NAPEPLD: variants seen among roughly 807,000 people sequenced by gnomAD.
The protein encoded by NAPEPLD is N-acyl phosphatidylethanolamine phospholipase D, also known as N-acyl-phosphatidylethanolamine-hydrolyzing phospholipase D.
Under a neutral mutation model 38.1 loss-of-function variants are expected in NAPEPLD, and 23 were observed. That is an observed-to-expected ratio of 0.60 (90% CI 0.43 to 0.86). The LOEUF (loss-of-function observed/expected upper bound fraction) is 0.86, where lower values mean the gene tolerates loss of function less well. Ranked by LOEUF, NAPEPLD falls within the 40% of genes least tolerant of loss-of-function variation. The pLI is 0.00. For synonymous variants in NAPEPLD, 147 were observed against 162.0 expected (o/e 0.91, Z 0.71); for missense variants, 411 against 476.8 (o/e 0.86, Z 1.28).
chr7:103,137,050 C>T lies in NAPEPLD; in HGVS notation c.-16-8258G>A, dbSNP rs1457136218. ...CACCTCCCAGATTCAAGTGATTCTCCTGCCTCAGCCTCCCAAATAGCTGGG... is the reference window on the plus strand; with the variant it reads ...CACCTCCCAGATTCAAGTGATTCTCTTGCCTCAGCCTCCCAAATAGCTGGG... On this transcript the variant is annotated intron_variant, in intron 1 of 4. Transcript: ENST00000465647. 3.3e-5 allele frequency among the ~76,000 whole-genome samples: 5 copies of T among 152,268 alleles called. No homozygotes were observed. The South Asian group carries it at 6.2e-4, about 19-fold the overall frequency.
At position 103,128,550 on chromosome 7, in the gene NAPEPLD, G is replaced by A; in HGVS notation, c.227C>T (p.Ser76Phe). Residue 76 changes from serine (S) to phenylalanine (F), a missense_variant, in exon 2 of 5, where the codon TCT (serine) becomes TTT (phenylalanine). Ser to Phe is a radical substitution (Grantham distance 155, BLOSUM62 -2). Coordinates refer to ENST00000465647, the MANE Select transcript of NAPEPLD (RefSeq NM_001122838.3). ...CAGCCATCTGAGAACATTTGGAATA[G>A]AGGGGTTTTTCCATGTTGGCCACGG... Reference protein sequence around the residue: ...VNPWPTWKNPSIPNVLRWLIM... With the variant: ...VNPWPTWKNPFIPNVLRWLIM... 6.2e-7 allele frequency: 1 copy of A among 1,614,218 alleles called. No individual in the cohort carries two copies.
At chr7:103,123,781 T>TA in intron 2 of NAPEPLD, among the ~76,000 whole-genome samples, 1 of 152,304 alleles carries the variant, frequency 6.6e-6, no homozygotes, top group African/African-American at 2.4e-5. Context: ...TTCCTCTCAT[T>TA]AAATCTCATT....
At chr7:103,115,889 G>A (rs1300405648) in intron 3 of NAPEPLD, among the ~76,000 whole-genome samples, 1 of 152,136 alleles carries the variant, frequency 6.6e-6, no homozygotes, top group East Asian at 1.9e-4. Flanking sequence ...TAGGAATGGG[G>A]TGGTAACTTC....
rs1802353678 is a variant in NAPEPLD, at chr7:103,101,249, T to G, written c.*2180A>C. ...GGAGTGAAAAAGTTTATGATCAGTC[T>G]TTTCAGGAAGGTTTATTTTATGGGG... On this transcript the variant is annotated 3_prime_UTR_variant, in exon 5 of 5. Coordinates refer to ENST00000465647, the MANE Select transcript of NAPEPLD (RefSeq NM_001122838.3). 6.6e-6 allele frequency: 1 copy of G among 152,118 alleles called. No homozygotes were observed. Among genetic ancestry groups the G allele is most frequent in the Admixed American group, 6.5e-5 (1 of 15,274 alleles). 9.4% of individuals were successfully genotyped at this position (152,118 alleles called of 1,614,324 possible). A position where few individuals can be genotyped will look rare whatever the true frequency, so the allele number is the denominator to read the frequency against.
chr7:103,104,830 T>G (rs573189606), intron 4 of NAPEPLD, among the ~76,000 whole-genome samples: 1 of 152,348 alleles, frequency 6.6e-6, no homozygotes, highest in East Asian at 1.9e-4. Context: ...TTTAAGAGAT[T>G]TCAAAATGAT....
intron 1 of NAPEPLD, among the ~76,000 whole-genome samples, chr7:103,130,165 A>G (rs1808630475): frequency 6.6e-6 from 1 of 152,236 alleles, no homozygotes; most frequent in Non-Finnish European, 1.5e-5. Context: ...TATTATTTTT[A>G]TGGCTACAAT....
intron 1 of NAPEPLD, chr7:103,141,243 T>G (rs1302089258): frequency 9.0e-5 from 2 of 22,114 alleles, no homozygotes; most frequent in South Asian, 1.2e-3. Context: ...TGGAGTTGTT[T>G]TTTTTTTTTT....
intron 1 of NAPEPLD, chr7:103,129,305 C>T (rs557647230): frequency 1.0e-6 from 1 of 984,650 alleles, no homozygotes; most frequent in African/African-American, 1.7e-5. Flanking sequence ...AACTGCCAAG[C>T]CCTTAAAAAA....
At chr7:103,134,408 G>A (rs1319033389) in intron 1 of NAPEPLD, among the ~76,000 whole-genome samples, 1 of 152,140 alleles carries the variant, frequency 6.6e-6, no homozygotes, top group Non-Finnish European at 1.5e-5. Context: ...CCAGCACTTT[G>A]GCAGGCCGAG....
chr7:103,149,414 C>T (rs930119736), upstream of NAPEPLD: 5 of 1,232,494 alleles, frequency 4.1e-6, no homozygotes, highest in South Asian at 1.3e-5. Flanking sequence ...AACCCGAGCC[C>T]GCCGCGCTGG....
At chr7:103,125,920 T>C (rs148039597) in intron 2 of NAPEPLD, among the ~76,000 whole-genome samples, 1 of 133,262 alleles carries the variant, frequency 7.5e-6, no homozygotes, top group Non-Finnish European at 1.6e-5. Context: ...ATAATAATAA[T>C]AAATAAAAAT....
chr7:103,132,306 G>A (rs911555586), intron 1 of NAPEPLD, among the ~76,000 whole-genome samples: 13 of 152,156 alleles, frequency 8.5e-5, no homozygotes, highest in African/African-American at 2.9e-4. Flanking sequence ...TAGCAACCCA[G>A]TCAAAAGATG....
Position 103,115,175 on chromosome 7 carries a change from C to T in NAPEPLD, c.942-1G>A. The T allele has an allele frequency of 6.2e-7, 1 of 1,604,852 alleles. No individual in the cohort carries two copies. Among genetic ancestry groups the T allele is most frequent in the Non-Finnish European group, 8.5e-7 (1 of 1,174,464 alleles). Reference sequence around the variant, plus strand: ...TACATGCTGGTATTTCATAAACCACCTGAAGAAACATGGCAATTTCTTAAT... The same window carrying T: ...TACATGCTGGTATTTCATAAACCACTTGAAGAAACATGGCAATTTCTTAAT... On this transcript the variant is annotated splice_acceptor_variant, in intron 3 of 4. Transcript: ENST00000465647. LOFTEE classifies it high-confidence loss of function.
chr7:103,131,745 T>C (rs796669518), intron 1 of NAPEPLD, among the ~76,000 whole-genome samples: 14 of 151,800 alleles, frequency 9.2e-5, no homozygotes, highest in African/African-American at 3.4e-4. Context: ...TGGGACTAGA[T>C]TGTGAGCCTG....
intron 2 of NAPEPLD, among the ~76,000 whole-genome samples, chr7:103,122,084 A>G (rs907162182): frequency 1.3e-5 from 2 of 152,056 alleles, no homozygotes; most frequent in Non-Finnish European, 2.9e-5. Context: ...GCTTCACTCT[A>G]AGACAATGAG....
In NAPEPLD at chr7:103,120,196, T is replaced by C. The variant is rs1230559513; in HGVS notation, c.322A>G (p.Lys108Glu). Residue 108 changes from lysine (K) to glutamate (E), a missense_variant, in exon 3 of 5, where the codon AAG becomes GAG. Coordinates refer to ENST00000465647, the MANE Select transcript of NAPEPLD (RefSeq NM_001122838.3). ...EELDKELPVL[K>E]PYFITNPEEA... ...TCAGGGTTAGTGATAAAATATGGCTTAAGCACTGGGAGTTCTTTGTCTAGT... is the reference window on the plus strand; with the variant it reads ...TCAGGGTTAGTGATAAAATATGGCTCAAGCACTGGGAGTTCTTTGTCTAGT... 6 of 1,613,890 alleles carry C rather than the reference T, an allele frequency of 3.7e-6. No homozygotes were observed. The highest frequency in any genetic ancestry group is 4.2e-6 in the Non-Finnish European group (5 of 1,179,866).
intron 4 of NAPEPLD, among the ~76,000 whole-genome samples, chr7:103,108,377 A>AT (rs1167426116): frequency 6.6e-6 from 1 of 152,076 alleles, no homozygotes; most frequent in Non-Finnish European, 1.5e-5. Flanking sequence ...TCCTGACCTC[A>AT]TGATCTGCCC....
rs1196915842 is a variant in NAPEPLD at position 103,102,159 on chromosome 7, T to C, written c.*1270A>G. Reference sequence around the variant, plus strand: ...CTAAGAGACTCCAGGAAAAAAAAAATGTGTAGAGAAAATTAAAAACAAATT... The same window carrying C: ...CTAAGAGACTCCAGGAAAAAAAAAACGTGTAGAGAAAATTAAAAACAAATT... On this transcript the variant is annotated 3_prime_UTR_variant, in exon 5 of 5. Transcript: ENST00000465647. 1.3e-5 allele frequency: 2 copies of C among 151,366 alleles called. No individual in the cohort carries two copies. The highest frequency in any genetic ancestry group is 2.9e-5 in the Non-Finnish European group (2 of 67,836). 9.4% of individuals were successfully genotyped at this position (151,366 alleles called of 1,614,324 possible). A position where few individuals can be genotyped will look rare whatever the true frequency, so the allele number is the denominator to read the frequency against.
intron 4 of NAPEPLD, among the ~76,000 whole-genome samples, chr7:103,107,370 G>T (rs1803579427): frequency 4.6e-5 from 7 of 152,044 alleles, no homozygotes; most frequent in Admixed American, 4.6e-4. Flanking sequence ...CTCCTCACCA[G>T]CAAGGGAAGA....
Sources: gnomAD v4.1 joint callset for allele counts (sites outside exome capture counted in the v4.1 genomes callset) on GRCh38, gnomAD v4.1.1 for gene constraint, MANE v1.5 for transcripts, NCBI Gene and HGNC (gene_info 2026-07-23, HGNC 2026-07-21) for gene names.